The following PCDH7 variants were observed in gnomAD, a reference collection of about 807,000 sequenced individuals.
The protein encoded by PCDH7 is protocadherin 7, also known as protocadherin-7.
In PCDH7, 17 loss-of-function variants were observed where a neutral mutation model predicts 58.9. The ratio of observed to expected loss-of-function variants is 0.29; its 90% CI spans 0.20 to 0.43. The LOEUF is 0.43. Ranked by LOEUF, PCDH7 falls within the 20% of genes least tolerant of loss-of-function variation. PCDH7 has a pLI of 1.00. For synonymous variants in PCDH7, 664 were observed against 616.4 expected (o/e 1.08, Z -1.14); for missense variants, 1,274 against 1,441.0 (o/e 0.88, Z 1.88).
At chr4:30,989,565 G>T (rs1277659617) in intron 3 of PCDH7, among the ~76,000 whole-genome samples, 1 of 152,114 alleles carries the variant, frequency 6.6e-6, no homozygotes, top group Non-Finnish European at 1.5e-5. Context: ...GGAACTGCAG[G>T]TACTAAAAGA....
exon 1 of PCDH7, chr4:30,724,165 G>A (rs1334614421): frequency 9.9e-6 from 16 of 1,613,744 alleles, no homozygotes; most frequent in East Asian, 2.2e-5. Flanking sequence ...CTATGAAGCC[G>A]GCAAAAAAGA....
At chr4:30,874,719 GAA>G (rs66970476) in intron 1 of PCDH7, among the ~76,000 whole-genome samples, 25 of 133,148 alleles carry the variant, frequency 1.9e-4, no homozygotes, top group South Asian at 8.9e-4. Context: ...TAGTGAAATT[GAA>G]AAAAAAAAAG....
intron 3 of PCDH7, among the ~76,000 whole-genome samples, chr4:30,955,247 T>C (rs113379814): frequency 0.014 from 2,107 of 152,152 alleles, 43 homozygotes; most frequent in African/African-American, 0.048. Context: ...TTAGAATACT[T>C]TAACTCAGAA....
In PCDH7 at chr4:30,999,908, G is replaced by A. The variant is rs773959012; in HGVS notation, c.*7+49693G>A. 5.6e-4 allele frequency among the ~76,000 whole-genome samples: 85 copies of A among 152,164 alleles called. 2 individuals are homozygous for A. The Middle Eastern group carries it at 0.017, about 30-fold the overall frequency. On this transcript the variant is annotated intron_variant, in intron 3 of 3. Coordinates refer to the PCDH7 transcript ENST00000509759. ...TAATACCGAATATTAAATGACAAAC[G>A]TTTTCTCTTGGATAAGGAATGGCAA...
chr4:30,785,933 G>A (rs1399969536), intron 1 of PCDH7, among the ~76,000 whole-genome samples: 4 of 151,998 alleles, frequency 2.6e-5, no homozygotes, highest in Non-Finnish European at 5.9e-5. Context: ...CATCGAATTG[G>A]AAAAAGACAC....
intron 3 of PCDH7, among the ~76,000 whole-genome samples, chr4:31,051,735 C>T (rs1403438759): frequency 6.6e-6 from 1 of 151,208 alleles, no homozygotes; most frequent in African/African-American, 2.4e-5. Flanking sequence ...GAGTTGCTAA[C>T]ACATCAGGTA....
intron 1 of PCDH7, among the ~76,000 whole-genome samples, chr4:30,822,886 A>G (rs1042002082): frequency 5.3e-5 from 8 of 152,188 alleles, no homozygotes; most frequent in Non-Finnish European, 8.8e-5. Context: ...TGAAAGCAAC[A>G]GGATCCTTCT....
intron 1 of PCDH7, among the ~76,000 whole-genome samples, chr4:30,851,593 GCTTCATTTGTAA>G (rs1170261003): frequency 6.6e-6 from 1 of 151,984 alleles, no homozygotes; most frequent in Non-Finnish European, 1.5e-5. Context: ...AGCTTCAGTT[GCTTCATTTGTAA>G]CTGTATGACC....
At chr4:30,729,025 A>C (rs1715068228) in intron 1 of PCDH7, among the ~76,000 whole-genome samples, 1 of 151,890 alleles carries the variant, frequency 6.6e-6, no homozygotes, top group African/African-American at 2.4e-5. Flanking sequence ...ATGACTGTAC[A>C]TGAAATCACT....
intron 1 of PCDH7, among the ~76,000 whole-genome samples, chr4:30,886,555 G>A (rs1364629037): frequency 2.7e-5 from 4 of 148,584 alleles, no homozygotes; most frequent in Admixed American, 1.3e-4. Flanking sequence ...CATTGTGGAA[G>A]TCAGTGTGGC....
chr4:30,982,299 G>A (rs1020633679), intron 3 of PCDH7, among the ~76,000 whole-genome samples: 16 of 152,158 alleles, frequency 1.1e-4, no homozygotes, highest in African/African-American at 3.4e-4. Flanking sequence ...CTCTAGCCCC[G>A]TTGTCTTTTT....
intron 1 of PCDH7, among the ~76,000 whole-genome samples, chr4:30,852,440 G>A (rs1299858637): frequency 6.6e-6 from 1 of 152,062 alleles, no homozygotes; most frequent in Non-Finnish European, 1.5e-5. Context: ...AGAGGATAAT[G>A]TGTCCTTCAG....
intron 1 of PCDH7, among the ~76,000 whole-genome samples, chr4:30,762,552 A>G (rs1033538391): frequency 4.6e-5 from 7 of 152,230 alleles, no homozygotes; most frequent in Non-Finnish European, 1.0e-4. Flanking sequence ...ATTAAAAAAA[A>G]GGATTCCCTT....
chr4:31,079,334 A>C (rs1360468950), intron 3 of PCDH7, among the ~76,000 whole-genome samples: 2 of 64,676 alleles, frequency 3.1e-5, no homozygotes, highest in South Asian at 4.5e-4. Context: ...ATATATATAT[A>C]TATATATATA....
chr4:31,119,492 AT>A (rs1717393957), intron 3 of PCDH7, among the ~76,000 whole-genome samples: 1 of 152,084 alleles, frequency 6.6e-6, no homozygotes, highest in Non-Finnish European at 1.5e-5. Context: ...ACTCAGGGGC[AT>A]AAGGCAGAAG....
intron 3 of PCDH7, among the ~76,000 whole-genome samples, chr4:30,960,602 A>G (rs1748320152): frequency 6.6e-6 from 1 of 152,246 alleles, no homozygotes; most frequent in South Asian, 2.1e-4. Flanking sequence ...CACAGTGTAA[A>G]CATCAGATTA....
chr4:31,126,469 A>G (rs1482688779), intron 3 of PCDH7, among the ~76,000 whole-genome samples: 1 of 152,092 alleles, frequency 6.6e-6, no homozygotes, highest in African/African-American at 2.4e-5. Context: ...CAATTTATTG[A>G]ATGTATGAAT....
intron 3 of PCDH7, among the ~76,000 whole-genome samples, chr4:31,130,755 G>A (rs1050153516): frequency 2.0e-5 from 3 of 152,088 alleles, no homozygotes; most frequent in African/African-American, 7.2e-5. Flanking sequence ...CTTCAAAGCT[G>A]GCAATGACAA....
At chr4:30,786,758 G>T in intron 1 of PCDH7, 1 of 982,156 alleles carries the variant, frequency 1.0e-6, no homozygotes, top group Non-Finnish European at 1.2e-6. Context: ...AACCCCTCTG[G>T]CCACATTGAG....
Sources: allele counts gnomAD v4.1 joint callset (sites outside exome capture counted in the v4.1 genomes callset), GRCh38; gene constraint gnomAD v4.1.1; transcripts MANE v1.5; gene names NCBI Gene and HGNC (gene_info 2026-07-23, HGNC 2026-07-21).